Variants in LAMA1 observed in about 807,000 individuals in gnomAD.
LAMA1 encodes laminin subunit alpha 1.
A neutral mutation model predicts 348.7 loss-of-function variants in LAMA1; 219 were observed. That is an observed-to-expected ratio of 0.63 (90% CI 0.56 to 0.70). LAMA1 has a LOEUF of 0.70. Among genes scored for constraint, LAMA1 ranks in the 30% least tolerant of loss-of-function variants. LAMA1 has a pLI of 0.00. For synonymous variants in LAMA1, 1,487 were observed against 1,491.0 expected (o/e 1.00, Z 0.06); for missense variants, 3,744 against 3,888.0 (o/e 0.96, Z 0.99).
chr18:6,948,126 G>A (rs564217456), intron 60 of LAMA1, among the ~76,000 whole-genome samples: 1 of 152,336 alleles, frequency 6.6e-6, no homozygotes, highest in African/African-American at 2.4e-5. Flanking sequence ...GTGCATTACA[G>A]AACCTGGGGA....
At chr18:7,114,293 A>G (rs188212929) in intron 1 of LAMA1, among the ~76,000 whole-genome samples, 1 of 152,314 alleles carries the variant, frequency 6.6e-6, no homozygotes, top group Admixed American at 6.5e-5. Flanking sequence ...ATTATTTAAT[A>G]GTATCAATGC....
chr18:7,029,085 T>C (rs6506462), intron 16 of LAMA1, among the ~76,000 whole-genome samples: 76,016 of 152,186 alleles, frequency 0.5, 22,073 homozygotes, highest in African/African-American at 0.81. Context: ...TGTAAGCATT[T>C]GTATTACATC....
intron 6 of LAMA1, among the ~76,000 whole-genome samples, chr18:7,045,168 A>C (rs888589530): frequency 1.3e-5 from 2 of 152,186 alleles, no homozygotes; most frequent in Admixed American, 1.3e-4. Flanking sequence ...ATTTTTCAGC[A>C]TCGATAACAG....
At chr18:7,008,660 T>C in intron 27 of LAMA1, 52 bp from the exon 28 acceptor site, 1 of 1,604,996 alleles carries the variant, frequency 6.2e-7, no homozygotes, top group Non-Finnish European at 8.5e-7. Flanking sequence ...AAAAACTTTC[T>C]AGAAACATAG....
At chr18:6,951,922 T>G (rs1264736697) in intron 57 of LAMA1, among the ~76,000 whole-genome samples, 1 of 152,314 alleles carries the variant, frequency 6.6e-6, no homozygotes, top group South Asian at 2.1e-4. Flanking sequence ...AGAGCAGGAC[T>G]GAGGGAAGCC....
chr18:7,095,344 T>C (rs1311611568), intron 1 of LAMA1, among the ~76,000 whole-genome samples: 1 of 152,226 alleles, frequency 6.6e-6, no homozygotes, highest in Admixed American at 6.5e-5. Flanking sequence ...TATGCGAGCC[T>C]TGTTTAATGT....
chr18:6,983,660 G>A (rs546894516), intron 39 of LAMA1, among the ~76,000 whole-genome samples: 7 of 152,260 alleles, frequency 4.6e-5, no homozygotes, highest in Admixed American at 3.3e-4. Context: ...ACCTGAGGCC[G>A]CTGAATCTTA....
At chr18:6,967,038 G>A (rs1319205291) in intron 48 of LAMA1, among the ~76,000 whole-genome samples, 1 of 152,160 alleles carries the variant, frequency 6.6e-6, no homozygotes, top group Non-Finnish European at 1.5e-5. Flanking sequence ...ACTTGGATGA[G>A]GATAGTTTTT....
Position 7,002,369 on chromosome 18 carries a change from G to C in LAMA1, c.4277C>G (p.Thr1426Arg). The change falls in exon 30 of 63, where the codon ACA becomes AGA. Residue 1426 changes from threonine (T) to arginine (R), a missense_variant. Physicochemically the swap from Thr to Arg is moderately conservative, Grantham distance 71 (BLOSUM62 -1). Around this residue, in one of 3 missense-constraint regions of LAMA1, gnomAD observed 1,983 missense variants for 1,934.3 expected, o/e 1.03. Transcript: ENST00000389658. ...ACACACATCACAATGGTCACCTGCTGTGTTATCGCCACAGTTCTGGGAGCC... is the reference window on the plus strand; with the variant it reads ...ACACACATCACAATGGTCACCTGCTCTGTTATCGCCACAGTTCTGGGAGCC... Reference protein sequence around the residue: ...TGKCLNCGDNTAGDHCDVCTS... With the variant: ...TGKCLNCGDNRAGDHCDVCTS... The C allele has an allele frequency of 6.2e-7, 1 of 1,613,696 alleles. No homozygotes were observed. Among genetic ancestry groups the C allele is most frequent in the South Asian group, 1.1e-5 (1 of 91,086 alleles).
chr18:7,028,459 T>C (rs907445071), intron 16 of LAMA1, among the ~76,000 whole-genome samples: 27 of 152,206 alleles, frequency 1.8e-4, no homozygotes, highest in African/African-American at 6.3e-4. Context: ...CTTGAAGCCA[T>C]GTAAGCCACA....
At chr18:7,056,844 C>T (rs879765560) in intron 3 of LAMA1, among the ~76,000 whole-genome samples, 3 of 151,976 alleles carry the variant, frequency 2.0e-5, no homozygotes, top group Middle Eastern at 3.4e-3. Context: ...ACCAATACCA[C>T]GTGCTTCATT....
chr18:7,024,459 G>T lies in LAMA1; in HGVS notation c.2410C>A (p.Pro804Thr). ...PLTIASNNFS[P>T]TCHLNDGDEV... ...TCTCCATCATTGAGGTGGCAGGTGGGGCTGAAACTGTCAAAACATTAGAAA... is the reference window on the plus strand; with the variant it reads ...TCTCCATCATTGAGGTGGCAGGTGGTGCTGAAACTGTCAAAACATTAGAAA... The change falls in exon 18 of 63, where the codon CCC becomes ACC. Residue 804 changes from proline to threonine, a missense_variant. Pro to Thr is a conservative substitution (Grantham distance 38). This residue lies in a region of LAMA1 where 1,529 missense variants were observed against 1,689.4 expected (regional missense o/e 0.91). Coordinates refer to ENST00000389658, the MANE Select transcript of LAMA1 (RefSeq NM_005559.4). 6.2e-7 allele frequency: 1 copy of T among 1,613,584 alleles called. No individual in the cohort carries two copies. Among genetic ancestry groups the T allele is most frequent in the Non-Finnish European group, 8.5e-7 (1 of 1,179,718 alleles).
At position 6,992,596 on chromosome 18, in the gene LAMA1, G is replaced by A. The variant is rs973073597; in HGVS notation, c.5133C>T (p.Phe1711=). The A allele has an allele frequency of 2.5e-6, 4 of 1,614,072 alleles. No individual in the cohort carries two copies. Among genetic ancestry groups the A allele is most frequent in the Non-Finnish European group, 2.5e-6 (3 of 1,180,032 alleles). Residue 1711 remains phenylalanine (F), a synonymous_variant, in exon 36 of 63, where the codon TTC becomes TTT. Transcript: ENST00000389658. ...GGGTGGCATTTTGGTGCAACTGTGT[G>A]AAGTCTCTTATCTGCATGATTTCTA... ...SLLEIMQIRD[F]TQLHQNATLE...
intron 1 of LAMA1, among the ~76,000 whole-genome samples, chr18:7,097,727 T>A (rs1470472739): frequency 6.6e-6 from 1 of 152,218 alleles, no homozygotes; most frequent in African/African-American, 2.4e-5. Context: ...ATACTTATTT[T>A]TATGGTCATT....
intron 44 of LAMA1, 106 bp from the exon 45 acceptor site, chr18:6,976,186 T>C (rs1323374062): frequency 7.3e-6 from 8 of 1,103,080 alleles, no homozygotes; most frequent in Non-Finnish European, 1.1e-5. Flanking sequence ...TGAGGCAGGT[T>C]TCCTCTCTTG....
At chr18:6,976,840 C>T (rs978340513) in intron 44 of LAMA1, among the ~76,000 whole-genome samples, 1 of 152,036 alleles carries the variant, frequency 6.6e-6, no homozygotes, top group Non-Finnish European at 1.5e-5. Context: ...AAACTCCCGG[C>T]CTCAAGCAAT....
Position 6,982,543 on chromosome 18 carries a change from G to A in LAMA1, c.5844C>T (p.Ser1948=). 6.2e-7 allele frequency: 1 copy of A among 1,614,152 alleles called. No individual in the cohort carries two copies. The highest frequency in any genetic ancestry group is 8.5e-7 in the Non-Finnish European group (1 of 1,180,040). ...VSNGKAAVQR[S]SRFLKEGNNL... is the part of the protein sequence containing the mutation. Reference sequence around the variant, plus strand: ...TGTTGCCTTCTTTTAGAAATCTGGAGCTGCGCTGCACGGCCGCTTTCCCGT... The same window carrying A: ...TGTTGCCTTCTTTTAGAAATCTGGAACTGCGCTGCACGGCCGCTTTCCCGT... The change falls in exon 41 of 63, where the codon AGC becomes AGT. Residue 1948 remains serine (S), a synonymous_variant. Coordinates refer to ENST00000389658, the MANE Select transcript of LAMA1 (RefSeq NM_005559.4).
chr18:6,943,322 T>G lies in LAMA1; in HGVS notation c.8925A>C (p.Gly2975=). The change falls in exon 62 of 63, where the codon GGA becomes GGC. Residue 2975 remains glycine, a synonymous_variant. Coordinates refer to ENST00000389658, the MANE Select transcript of LAMA1 (RefSeq NM_005559.4). The stretch of plus-strand genomic sequence containing the variant: ...TGTTAGCTTGAAGAGTGTGCCATTT[T>G]CCATCACAGAGCACAGTGGCGGTTT... The part of the protein sequence containing the change: ...EPKTATVLCD[G]KWHTLQANKS... 4.3e-6 allele frequency: 7 copies of G among 1,614,204 alleles called. No individual in the cohort carries two copies. Among genetic ancestry groups the G allele is most frequent in the Non-Finnish European group, 5.1e-6 (6 of 1,180,036 alleles).
In LAMA1 at chr18:7,080,578, T is replaced by C. The variant is rs1052664702; in HGVS notation, c.62-121A>G. ...AAAGTCTATGTGCTGAATGAAGGAA[T>C]CCTTACACAAACACCGTATACGCAG... is the stretch of plus-strand genomic sequence containing the variant. On this transcript the variant is annotated intron_variant, in intron 1 of 62. Transcript: ENST00000389658. 2.9e-6 allele frequency: 3 copies of C among 1,036,386 alleles called. No individual in the cohort carries two copies. The African/African-American group carries it at 4.8e-5, about 16-fold the overall frequency. The allele number at this position is 1,036,386 out of a possible 1,614,324, so 64.2% of individuals were successfully genotyped here. A position where few individuals can be genotyped will look rare whatever the true frequency, so the allele number is the denominator to read the frequency against.
Sources: gnomAD v4.1 joint callset for allele counts (sites outside exome capture counted in the v4.1 genomes callset) on GRCh38, gnomAD v4.1.1 for gene constraint, gnomAD v4.1.1 regional missense constraint, MANE v1.5 for transcripts, NCBI Gene and HGNC (gene_info 2026-07-23, HGNC 2026-07-21) for gene names.